TWIST2: variants seen among roughly 807,000 people sequenced by gnomAD.
The protein encoded by TWIST2 is twist family bHLH transcription factor 2, also known as twist-related protein 2.
TWIST2 carries 1 observed loss-of-function variant against 11.6 expected under a neutral mutation model. The ratio of observed to expected loss-of-function variants is 0.09; its 90% CI spans 0.03 to 0.41. The LOEUF (loss-of-function observed/expected upper bound fraction) is 0.41, where lower values mean the gene tolerates loss of function less well. Among genes scored for constraint, TWIST2 ranks in the 10% least tolerant of loss-of-function variants. TWIST2 has a pLI of 0.98. For synonymous variants in TWIST2, 87 were observed against 96.6 expected, an observed-to-expected ratio of 0.90 and a Z score of 0.58; for missense variants, 168 against 226.4, an observed-to-expected ratio of 0.74 and a Z score of 1.66.
At position 238,858,175 on chromosome 2, in the gene TWIST2, G is replaced by A. The variant is rs184046894; in HGVS notation, c.*35+9442G>A. 9.0e-3 allele frequency among the ~76,000 whole-genome samples: 1,374 copies of A among 152,314 alleles called. 81 individuals carry two copies. Among genetic ancestry groups the A allele is most frequent in the Admixed American group, 0.085 (1,296 of 15,304 alleles). On this transcript the variant is annotated intron_variant, in intron 1 of 1. Coordinates refer to ENST00000612363, the MANE Select transcript of TWIST2 (RefSeq NM_001271893.4). Reference sequence around the variant, plus strand: ...AAAAGAGGAAGTGGGGAGGCAGAAAGTGAAGCTGCTGTGCATTTCTGCCTC... The same window carrying A: ...AAAAGAGGAAGTGGGGAGGCAGAAAATGAAGCTGCTGTGCATTTCTGCCTC...
chr2:238,870,567 AC>A (rs754389946), intron 1 of TWIST2, among the ~76,000 whole-genome samples: 5,828 of 23,518 alleles, frequency 0.25, 4 homozygotes, highest in Non-Finnish European at 0.28. Flanking sequence ...CACACCACAC[AC>A]CACACACCAC....
intron 1 of TWIST2, among the ~76,000 whole-genome samples, chr2:238,884,344 C>A (rs2106366404): frequency 6.6e-6 from 1 of 152,342 alleles, no homozygotes; most frequent in African/African-American, 2.4e-5. Flanking sequence ...AAGACCAGGC[C>A]AAGGTCCCCA....
At chr2:238,898,919 T>C (rs985929661) in intron 1 of TWIST2, among the ~76,000 whole-genome samples, 1 of 152,268 alleles carries the variant, frequency 6.6e-6, no homozygotes, top group Non-Finnish European at 1.5e-5. Flanking sequence ...TGCCGGCTCC[T>C]GGTGGGCCCC....
At position 238,905,866 on chromosome 2, in the gene TWIST2, CGTGCGTGT is replaced by C. The variant is rs1693335121; in HGVS notation, c.*36-3972_*36-3965del. 6.0e-5 allele frequency among the ~76,000 whole-genome samples: 7 copies of C among 116,490 alleles called. No homozygotes were observed. The East Asian group carries it at 8.9e-4, about 15-fold the overall frequency. 76.4% of individuals were successfully genotyped at this position (116,490 alleles called of 152,430 possible). A position where few individuals can be genotyped will look rare whatever the true frequency, so the allele number is the denominator to read the frequency against. Reference sequence around the variant, plus strand: ...GTGTGTGTGTGTGTGCGTGTGTGTGCGTGCGTGTGTGTGCATGTGCGCGCATGCGCGTG... The same window carrying C: ...GTGTGTGTGTGTGTGCGTGTGTGTGCGTGTGCATGTGCGCGCATGCGCGTG... On this transcript the variant is annotated intron_variant, in intron 1 of 1. Transcript: ENST00000612363.
intron 1 of TWIST2, among the ~76,000 whole-genome samples, chr2:238,870,566 C>A (rs1574754723): frequency 1.0e-5 from 1 of 95,412 alleles, no homozygotes; most frequent in Non-Finnish European, 2.1e-5. Context: ...ACACACCACA[C>A]ACCACACACC....
At chr2:238,883,126 C>T (rs1003517647) in intron 1 of TWIST2, among the ~76,000 whole-genome samples, 5 of 152,208 alleles carry the variant, frequency 3.3e-5, no homozygotes, top group African/African-American at 1.2e-4. Flanking sequence ...TCTGAACCTC[C>T]ATTTTCTGCT....
intron 1 of TWIST2, among the ~76,000 whole-genome samples, chr2:238,853,090 G>A (rs1161382298): frequency 3.3e-5 from 5 of 151,824 alleles, no homozygotes; most frequent in African/African-American, 1.2e-4. Context: ...ATAAAGAATA[G>A]TATCCCAGAA....
At chr2:238,849,784 C>G (rs919248803) in intron 1 of TWIST2, among the ~76,000 whole-genome samples, 1 of 152,228 alleles carries the variant, frequency 6.6e-6, no homozygotes, top group Non-Finnish European at 1.5e-5. Context: ...TAGACAAGCT[C>G]GAGCCACGGA....
chr2:238,907,817 C>G (rs1470956134), intron 1 of TWIST2, among the ~76,000 whole-genome samples: 2 of 135,582 alleles, frequency 1.5e-5, no homozygotes, highest in African/African-American at 5.7e-5. Context: ...ACGCGCCACA[C>G]AAATATACCA....
intron 1 of TWIST2, among the ~76,000 whole-genome samples, chr2:238,903,517 G>T (rs1693305541): frequency 1.4e-5 from 2 of 145,336 alleles, no homozygotes; most frequent in Admixed American, 6.8e-5. Flanking sequence ...GTGTGATGTG[G>T]GGTGTGTCTA....
chr2:238,864,281 G>A lies in TWIST2; in HGVS notation c.*35+15548G>A, dbSNP rs1692490846. On this transcript the variant is annotated intron_variant, in intron 1 of 1. Transcript: ENST00000612363. This position sits in a 1 kb window ranked among gnomAD's most constrained non-coding sequence, Gnocchi z 4.7. ...AGCACGCGACTGTGAGCGGCGATCGGGGCCTGATCCTCAGTTCGAAGACAC... is the reference window on the plus strand; with the variant it reads ...AGCACGCGACTGTGAGCGGCGATCGAGGCCTGATCCTCAGTTCGAAGACAC... Among the ~76,000 whole-genome samples the A allele has an allele frequency of 1.3e-5, 2 of 152,172 alleles. No homozygotes were observed. The highest frequency in any genetic ancestry group is 4.1e-4 in the South Asian group (2 of 4,828).
intron 1 of TWIST2, among the ~76,000 whole-genome samples, chr2:238,877,790 A>G (rs992066063): frequency 3.3e-5 from 5 of 152,204 alleles, no homozygotes; most frequent in African/African-American, 9.6e-5. Flanking sequence ...GAAATGTTTA[A>G]TTCAATAAAA....
chr2:238,868,747 G>T (rs903305007), intron 1 of TWIST2, among the ~76,000 whole-genome samples: 2 of 152,236 alleles, frequency 1.3e-5, no homozygotes, highest in Non-Finnish European at 2.9e-5. Context: ...TGTTGGCTGG[G>T]CTCAGTGTGG....
intron 1 of TWIST2, among the ~76,000 whole-genome samples, chr2:238,888,351 CTT>C (rs34121142): frequency 0.59 from 89,927 of 151,818 alleles, 26,755 homozygotes; most frequent in East Asian, 0.68. Flanking sequence ...CAGGGCCGTG[CTT>C]TGTTTTAAAG....
chr2:238,861,035 G>A (rs867224353), intron 1 of TWIST2, among the ~76,000 whole-genome samples: 54 of 152,188 alleles, frequency 3.5e-4, no homozygotes, highest in African/African-American at 1.2e-3. Context: ...CAGGGAGGAG[G>A]TGCAAAGGGA....
chr2:238,909,439 G>C (rs1036179023), intron 1 of TWIST2, among the ~76,000 whole-genome samples: 1 of 152,140 alleles, frequency 6.6e-6, no homozygotes, highest in African/African-American at 2.4e-5. Context: ...AGCTCCCTCG[G>C]GCCTGCACGG....
intron 1 of TWIST2, among the ~76,000 whole-genome samples, chr2:238,897,311 G>A (rs1189769403): frequency 2.0e-5 from 3 of 152,172 alleles, no homozygotes; most frequent in South Asian, 2.1e-4. Flanking sequence ...TGTCCTCCGC[G>A]CGCCCCCCTG....
In TWIST2 at chr2:238,866,494, C is replaced by T. The variant is rs1692536466; in HGVS notation, c.*35+17761C>T. Reference sequence around the variant, plus strand: ...CAACATGGTGAAACCCCGTCTCTGCCAAAAATAGAAAAATTAGCTGGGCAT... The same window carrying T: ...CAACATGGTGAAACCCCGTCTCTGCTAAAAATAGAAAAATTAGCTGGGCAT... On this transcript the variant is annotated intron_variant, in intron 1 of 1. Transcript: ENST00000612363. This position sits in a 1 kb window ranked among gnomAD's most constrained non-coding sequence, Gnocchi z 4.9. Among the ~76,000 whole-genome samples the T allele has an allele frequency of 6.6e-6, 1 of 152,012 alleles. No homozygotes were observed. The highest frequency in any genetic ancestry group is 1.5e-5 in the Non-Finnish European group (1 of 67,992).
At chr2:238,906,077 C>G (rs1693350565) in intron 1 of TWIST2, among the ~76,000 whole-genome samples, 1 of 152,096 alleles carries the variant, frequency 6.6e-6, no homozygotes, top group Admixed American at 6.5e-5. Flanking sequence ...TGCCTTGGTT[C>G]AACAAAGGTT....
Sources: allele counts gnomAD v4.1 joint callset (sites outside exome capture counted in the v4.1 genomes callset), GRCh38; gene constraint gnomAD v4.1.1; non-coding constraint Gnocchi (gnomAD v3.1); transcripts MANE v1.5; gene names NCBI Gene and HGNC (gene_info 2026-07-23, HGNC 2026-07-21).